Variants in SV2A observed in about 807,000 individuals in gnomAD.
The protein encoded by SV2A is solute carrier family 22 member B1.
A neutral mutation model predicts 78.0 loss-of-function variants in SV2A; 25 were observed. The observed-to-expected ratio is 0.32, with a 90% CI of 0.23 to 0.45. SV2A has a LOEUF of 0.45. SV2A is among the 20% of genes least tolerant of loss of function. The pLI is 1.00. For missense variants in SV2A, 752 were observed against 971.5 expected (o/e 0.77, Z 3.00); for synonymous variants, 355 against 384.7 (o/e 0.92, Z 0.90).
rs1553762424 is a variant in SV2A at position 149,904,866 on chromosome 1, C to T, written c.*148G>A. On this transcript the variant is annotated 3_prime_UTR_variant, in exon 13 of 13. Transcript: ENST00000369146. ...CCTGCCCACGGGGTTTACACACATG[C>T]ACACGCACACGCACACACAGCTAAG... 2.3e-6 allele frequency: 2 copies of T among 856,462 alleles called. No homozygotes were observed. Among genetic ancestry groups the T allele is most frequent in the East Asian group, 2.7e-5 (1 of 37,206 alleles). 53.1% of individuals were successfully genotyped at this position (856,462 alleles called of 1,614,324 possible). A position where few individuals can be genotyped will look rare whatever the true frequency, so the allele number is the denominator to read the frequency against.
Position 149,911,039 on chromosome 1 carries a change from C to G in SV2A, c.804-62G>C. On this transcript the variant is annotated intron_variant, in intron 3 of 12. Coordinates refer to ENST00000369146, the MANE Select transcript of SV2A (RefSeq NM_014849.5). Reference sequence around the variant, plus strand: ...GCCATAGTCCTGATCCCCTGCCCCACTGCTCTGGACCCCGAGCCCCTTTTG... The same window carrying G: ...GCCATAGTCCTGATCCCCTGCCCCAGTGCTCTGGACCCCGAGCCCCTTTTG... The G allele has an allele frequency of 1.3e-5, 20 of 1,555,382 alleles. 1 individual carries two copies. In the South Asian group the frequency reaches 2.4e-4, roughly 19 times the overall value.
rs781845368 is a variant in SV2A at position 149,906,830 on chromosome 1, T to C, written c.1705A>G (p.Ser569Gly). The change falls in exon 11 of 13, where the codon AGC (serine) becomes GGC (glycine). Residue 569 changes from serine to glycine, a missense_variant. Physicochemically the swap from Ser to Gly is moderately conservative, Grantham distance 56. This residue lies in a region of SV2A where 186 missense variants were observed against 274.6 expected (regional missense o/e 0.68). Transcript: ENST00000369146. ...AGGAATGTACTGTTTATCAGACGGCTGTTCACAAACTTGTACTCGAACAGG... is the reference window on the plus strand; with the variant it reads ...AGGAATGTACTGTTTATCAGACGGCCGTTCACAAACTTGTACTCGAACAGG... ...TDLFEYKFVN[S>G]RLINSTFLHN... 1.2e-6 allele frequency: 2 copies of C among 1,614,230 alleles called. No homozygotes were observed. The highest frequency in any genetic ancestry group is 8.5e-7 in the Non-Finnish European group (1 of 1,180,036).
intron 1 of SV2A, among the ~76,000 whole-genome samples, chr1:149,917,520 T>C (rs1553764705): frequency 6.6e-6 from 1 of 152,032 alleles, no homozygotes; most frequent in African/African-American, 2.4e-5. Context: ...TCACCAATAT[T>C]ATACATATGC....
At chr1:149,917,283 G>GCCCCCC (rs587740146) in intron 1 of SV2A, among the ~76,000 whole-genome samples, 7 of 149,848 alleles carry the variant, frequency 4.7e-5, no homozygotes, top group African/African-American at 1.7e-4. Context: ...TTCTTCCCCT[G>GCCCCCC]CCCCCCACCC....
In SV2A at chr1:149,910,275, G is replaced by C. The variant is rs1001476594; in HGVS notation, c.1089+295C>G. On this transcript the variant is annotated intron_variant, in intron 5 of 12. Transcript: ENST00000369146. The surrounding 1 kb of genome is among the most constrained non-coding windows in gnomAD (Gnocchi z 4.2). ...TAGGAGGGGAAGGTATAGGGGGTGGGAATGTCTCTTGAGCTGTAAATGCAG... is the reference window on the plus strand; with the variant it reads ...TAGGAGGGGAAGGTATAGGGGGTGGCAATGTCTCTTGAGCTGTAAATGCAG... 2.0e-5 allele frequency among the ~76,000 whole-genome samples: 3 copies of C among 152,292 alleles called. No individual in the cohort carries two copies. Among genetic ancestry groups the C allele is most frequent in the African/African-American group, 7.2e-5 (3 of 41,554 alleles).
rs1553762463 is a variant in SV2A, at chr1:149,905,007, G to A, written c.*7C>T. ...TGCCTGCCAATCCCAAAGCCCTAGA[G>A]ACCCCTTCACTGCAGCACCTGCCCC... On this transcript the variant is annotated 3_prime_UTR_variant, in exon 13 of 13. Transcript: ENST00000369146. 6.2e-7 allele frequency: 1 copy of A among 1,606,996 alleles called. No individual in the cohort carries two copies. The highest frequency in any genetic ancestry group is 1.1e-5 in the South Asian group (1 of 89,590).
At chr1:149,911,678 C>T (rs779537419) in intron 3 of SV2A, 122 bp downstream of exon 3, 1 of 1,004,544 alleles carries the variant, frequency 1.0e-6, no homozygotes, top group Non-Finnish European at 1.4e-6. Flanking sequence ...ACTCATTCAT[C>T]CGTTCAACTC....
chr1:149,905,775 A>C lies in SV2A; in HGVS notation c.2045+105T>G, dbSNP rs587604303. 4 of 1,438,176 alleles carry C rather than the reference A, an allele frequency of 2.8e-6. No individual in the cohort carries two copies. In the African/African-American group the frequency reaches 5.7e-5, roughly 20 times the overall value. 89.1% of individuals were successfully genotyped at this position (1,438,176 alleles called of 1,614,324 possible). A position where few individuals can be genotyped will look rare whatever the true frequency, so the allele number is the denominator to read the frequency against. On this transcript the variant is annotated intron_variant, in intron 12 of 12. Transcript: ENST00000369146. ...CCAGATTTTAGAGGAGAAAATGGAA[A>C]TGTATATCCTCTCACCCCTAAGGAT...
rs1434959123 is a variant in SV2A, at chr1:149,910,648, G to A, written c.1011C>T (p.Val337=). The A allele has an allele frequency of 8.1e-6, 13 of 1,613,828 alleles. No homozygotes were observed. The highest frequency in any genetic ancestry group is 4.0e-5 in the African/African-American group (3 of 74,920). Residue 337 remains valine (V), a synonymous_variant, in exon 5 of 13, where the codon GTC becomes GTT. Transcript: ENST00000369146. The surrounding 1 kb of genome is among the most constrained non-coding windows in gnomAD (Gnocchi z 4.2). ...ACACAGAAGGAAAGGCGCAGACGAGGACGAAGACCCTCCAGCTGTGGAACT... is the reference window on the plus strand; with the variant it reads ...ACACAGAAGGAAAGGCGCAGACGAGAACGAAGACCCTCCAGCTGTGGAACT... ...AYQFHSWRVF[V]LVCAFPSVFA...
rs587745707 is a variant in SV2A, at chr1:149,910,110, G to A, written c.1090-220C>T. Among the ~76,000 whole-genome samples, 78 of 152,304 alleles carry A rather than the reference G, an allele frequency of 5.1e-4. No individual in the cohort carries two copies. Among genetic ancestry groups the A allele is most frequent in the African/African-American group, 7.0e-4 (29 of 41,558 alleles). On this transcript the variant is annotated intron_variant, in intron 5 of 12. Transcript: ENST00000369146. The surrounding 1 kb of genome is among the most constrained non-coding windows in gnomAD (Gnocchi z 4.2). ...ACAATCAGACTTGGGCAAGAGCTGCGGGTTGGGGGTGGGGAGTGTTGTCCA... is the reference window on the plus strand; with the variant it reads ...ACAATCAGACTTGGGCAAGAGCTGCAGGTTGGGGGTGGGGAGTGTTGTCCA...
rs1553762795 is a variant in SV2A at position 149,906,645 on chromosome 1, C to G, written c.1885+5G>C. On this transcript the variant is annotated splice_donor_5th_base_variant and intron_variant, in intron 11 of 12. Coordinates refer to ENST00000369146, the MANE Select transcript of SV2A (RefSeq NM_014849.5). ...ATCAGATCTGACTCAGCCTCTCCCC[C>G]TTACCAAGCATTCTGAGCCTGCCGA... 2 of 1,614,096 alleles carry G rather than the reference C, an allele frequency of 1.2e-6. No individual in the cohort carries two copies. Among genetic ancestry groups the G allele is most frequent in the Non-Finnish European group, 8.5e-7 (1 of 1,179,986 alleles).
chr1:149,913,541 G>A lies in SV2A; in HGVS notation c.300C>T (p.Gly100=). 6.2e-7 allele frequency: 1 copy of A among 1,613,698 alleles called. No homozygotes were observed. The highest frequency in any genetic ancestry group is 2.2e-5 in the East Asian group (1 of 44,826). The change falls in exon 2 of 13, where the codon GGC becomes GGT. Residue 100 remains glycine, a synonymous_variant. Coordinates refer to ENST00000369146, the MANE Select transcript of SV2A (RefSeq NM_014849.5). ...DDEIYEGEYQ[G]IPRAESGGKG... is the part of the protein sequence containing the mutation. ...TGCCCCCAGACTCTGCCCGGGGAAT[G>A]CCCTGATATTCCCCTTCATAGATCT... is the stretch of plus-strand genomic sequence containing the variant.
chr1:149,908,799 G>A lies in SV2A; in HGVS notation c.1379+393C>T, dbSNP rs587614250. Among the ~76,000 whole-genome samples the A allele has an allele frequency of 1.6e-3, 244 of 152,156 alleles. 1 individual carries two copies. Among genetic ancestry groups the A allele is most frequent in the Middle Eastern group, 3.4e-3 (1 of 294 alleles). On this transcript the variant is annotated intron_variant, in intron 8 of 12. Transcript: ENST00000369146. ...ACTACAGGCGCCCACCACCATGCCC[G>A]GCTAATTTTTTGTATGTTAGTAGAG...
At chr1:149,909,948 T>C (rs2092465198) in intron 5 of SV2A, 58 bp from the exon 6 acceptor site, 3 of 1,531,064 alleles carry the variant, frequency 2.0e-6, no homozygotes, top group Non-Finnish European at 2.7e-6. Context: ...CCCAGAGTTA[T>C]AGACCCCCTC....
At position 149,913,803 on chromosome 1, in the gene SV2A, C is replaced by T. The variant is rs141056600; in HGVS notation, c.38G>A (p.Arg13His). 254 of 1,612,080 alleles carry T rather than the reference C, an allele frequency of 1.6e-4. No homozygotes were observed. Among genetic ancestry groups the T allele is most frequent in the Non-Finnish European group, 2.0e-4 (238 of 1,178,460 alleles). ...TTCCTTAGCAATGTCTTTGGCCCCA[C>T]GGATGAAAGCTGCCCGGTCTCGGAA... ...EGFRDRAAFI[R>H]GAKDIAKEVK... The change falls in exon 2 of 13, where the codon CGT (arginine) becomes CAT (histidine). Residue 13 changes from arginine to histidine, a missense_variant. This residue lies in a region of SV2A where 291 missense variants were observed against 359.5 expected (regional missense o/e 0.81). Coordinates refer to ENST00000369146, the MANE Select transcript of SV2A (RefSeq NM_014849.5).
intron 1 of SV2A, among the ~76,000 whole-genome samples, chr1:149,916,436 CA>C (rs1312367841): frequency 2.0e-5 from 3 of 152,186 alleles, no homozygotes; most frequent in Non-Finnish European, 2.9e-5. Context: ...GGGAGTGAGA[CA>C]AGACTTGGAG....
chr1:149,910,437 C>T lies in SV2A; in HGVS notation c.1089+133G>A. On this transcript the variant is annotated intron_variant, in intron 5 of 12. Coordinates refer to ENST00000369146, the MANE Select transcript of SV2A (RefSeq NM_014849.5). This position sits in a 1 kb window ranked among gnomAD's most constrained non-coding sequence, Gnocchi z 4.2. ...AAGATAAAGTCCCCTGGAGAGTGGACTCTGTGAGGAAGGCAGGCAGTCAAA... is the reference window on the plus strand; with the variant it reads ...AAGATAAAGTCCCCTGGAGAGTGGATTCTGTGAGGAAGGCAGGCAGTCAAA... 7.7e-7 allele frequency: 1 copy of T among 1,294,390 alleles called. No homozygotes were observed. Among genetic ancestry groups the T allele is most frequent in the Non-Finnish European group, 1.0e-6 (1 of 969,394 alleles). The allele number at this position is 1,294,390 out of a possible 1,614,324, so 80.2% of individuals were successfully genotyped here. A position where few individuals can be genotyped will look rare whatever the true frequency, so the allele number is the denominator to read the frequency against.
intron 9 of SV2A, 53 bp downstream of exon 9, chr1:149,907,988 AG>A: frequency 6.3e-7 from 1 of 1,595,344 alleles, no homozygotes; most frequent in South Asian, 1.1e-5. Flanking sequence ...GACTCATAAA[AG>A]AGACGAGGTA....
chr1:149,915,797 G>A (rs1245473549), intron 1 of SV2A, among the ~76,000 whole-genome samples: 2 of 152,080 alleles, frequency 1.3e-5, no homozygotes, highest in Non-Finnish European at 1.5e-5. Flanking sequence ...TCCTTCATAG[G>A]AGCAGAGGAA....
Sources: allele counts gnomAD v4.1 joint callset (sites outside exome capture counted in the v4.1 genomes callset), GRCh38; gene constraint gnomAD v4.1.1; regional missense constraint gnomAD v4.1.1; non-coding constraint Gnocchi (gnomAD v3.1); transcripts MANE v1.5; gene names NCBI Gene and HGNC (gene_info 2026-07-23, HGNC 2026-07-21).